MLIP: variants seen among roughly 807,000 people sequenced by gnomAD.
The protein encoded by MLIP is muscular LMNA-interacting protein.
Under a neutral mutation model 84.8 loss-of-function variants are expected in MLIP, and 79 were observed. The ratio of observed to expected loss-of-function variants is 0.93; its 90% CI spans 0.78 to 1.12. The LOEUF is 1.12. MLIP is among the 50% of genes most tolerant of loss of function. The pLI, the probability that MLIP is intolerant of heterozygous loss-of-function variation, is 0.00. For missense variants in MLIP, 1,257 were observed against 1,160.6 expected (o/e 1.08, Z -1.21); for synonymous variants, 504 against 463.0 (o/e 1.09, Z -1.14).
chr6:54,143,117 G>A (rs953053656), intron 4 of MLIP, among the ~76,000 whole-genome samples: 1 of 151,794 alleles, frequency 6.6e-6, no homozygotes, highest in Non-Finnish European at 1.5e-5. Context: ...TCTCCAGCTA[G>A]CCTCTCTGAA....
Position 54,122,131 on chromosome 6 carries a change from T to C in MLIP, c.252+529T>C, listed in dbSNP as rs1378917588. On this transcript the variant is annotated intron_variant, in intron 2 of 13. Transcript: ENST00000502396. ...ATAACCTTTCAATAATCTAACTCTT[T>C]GAAAAGTATCCCAAGGAAATATTAC... 3.9e-5 allele frequency among the ~76,000 whole-genome samples: 6 copies of C among 152,196 alleles called. No individual in the cohort carries two copies. The East Asian group carries it at 7.7e-4, about 20-fold the overall frequency.
intron 4 of MLIP, among the ~76,000 whole-genome samples, chr6:54,139,288 A>G (rs997697395): frequency 2.0e-5 from 3 of 152,226 alleles, no homozygotes; most frequent in Non-Finnish European, 4.4e-5. Context: ...GGCAAAATTA[A>G]TTGTGTAAGT....
chr6:54,148,999 AT>A, intron 4 of MLIP, 56 bp from the exon 5 acceptor site: 1 of 1,401,554 alleles, frequency 7.1e-7, no homozygotes. Context: ...TCTGAAAATT[AT>A]GTCATATTCT....
At chr6:54,195,424 G>T (rs1027393432) in intron 10 of MLIP, among the ~76,000 whole-genome samples, 1 of 151,956 alleles carries the variant, frequency 6.6e-6, no homozygotes, top group African/African-American at 2.4e-5. Flanking sequence ...ATTAGTGTTA[G>T]TTGAAGTTAC....
intron 10 of MLIP, among the ~76,000 whole-genome samples, chr6:54,198,900 G>A (rs1042403626): frequency 7.2e-6 from 1 of 138,998 alleles, no homozygotes; most frequent in Non-Finnish European, 1.6e-5. Flanking sequence ...GTGTGTATAT[G>A]TGTGTGTGTG....
At chr6:54,188,307 G>A (rs1255470397) in intron 9 of MLIP, among the ~76,000 whole-genome samples, 2 of 151,858 alleles carry the variant, frequency 1.3e-5, no homozygotes, top group East Asian at 1.9e-4. Context: ...GCTTACTGTA[G>A]GTTTTTTATT....
chr6:54,144,644 C>A (rs1486933480), intron 4 of MLIP, among the ~76,000 whole-genome samples: 1 of 152,188 alleles, frequency 6.6e-6, no homozygotes, highest in African/African-American at 2.4e-5. Flanking sequence ...CAGTCATACA[C>A]GCTCACCTGC....
At chr6:54,063,732 G>GTGTGTC (rs1766109427) in intron 1 of MLIP, among the ~76,000 whole-genome samples, 1 of 151,300 alleles carries the variant, frequency 6.6e-6, no homozygotes, top group Non-Finnish European at 1.5e-5. Context: ...GTGTGTGTGT[G>GTGTGTC]TGTGTGTGTG....
At chr6:54,058,361 A>G (rs1301103210) in intron 1 of MLIP, among the ~76,000 whole-genome samples, 2 of 152,208 alleles carry the variant, frequency 1.3e-5, no homozygotes, top group Non-Finnish European at 2.9e-5. Context: ...GTGGTTGTGC[A>G]TGTTTACTGC....
At chr6:54,245,669 T>A (rs182464942) in intron 12 of MLIP, among the ~76,000 whole-genome samples, 9 of 152,124 alleles carry the variant, frequency 5.9e-5, no homozygotes, top group Non-Finnish European at 1.0e-4. Flanking sequence ...AAAGCTATTG[T>A]TTTTTTAAAA....
At chr6:54,231,723 C>T (rs1185575844) in intron 12 of MLIP, among the ~76,000 whole-genome samples, 2 of 152,054 alleles carry the variant, frequency 1.3e-5, no homozygotes, top group African/African-American at 4.8e-5. Context: ...ATTCAAAATC[C>T]TGTTTAAAAG....
At chr6:54,142,138 T>C (rs1048700671) in intron 4 of MLIP, among the ~76,000 whole-genome samples, 2 of 152,222 alleles carry the variant, frequency 1.3e-5, no homozygotes, top group Non-Finnish European at 2.9e-5. Flanking sequence ...AAATAGTTAA[T>C]CTGGGTTCAA....
At chr6:54,142,591 C>T (rs1416423051) in intron 4 of MLIP, among the ~76,000 whole-genome samples, 6 of 152,038 alleles carry the variant, frequency 3.9e-5, no homozygotes, top group East Asian at 3.9e-4. Context: ...AGCTGGGAGC[C>T]GGATCCTGTA....
chr6:54,035,277 A>G (rs1211402106), intron 1 of MLIP, among the ~76,000 whole-genome samples: 1 of 152,156 alleles, frequency 6.6e-6, no homozygotes, highest in Non-Finnish European at 1.5e-5. Flanking sequence ...AAGTTAGTCC[A>G]AGTTGTGAGG....
chr6:54,176,781 A>G (rs1402147683), intron 9 of MLIP, among the ~76,000 whole-genome samples: 1 of 152,160 alleles, frequency 6.6e-6, no homozygotes, highest in Admixed American at 6.6e-5. Flanking sequence ...TGAAGGCATC[A>G]TGCTACCCTA....
In MLIP at chr6:54,027,536, C is replaced by A. The variant is rs1466753899; in HGVS notation, c.63+8445C>A. Reference sequence around the variant, plus strand: ...CGTACCTGACACAGATATCTTAGTTCCTTTGCAACCTTAATTTTAGCCCCT... The same window carrying A: ...CGTACCTGACACAGATATCTTAGTTACTTTGCAACCTTAATTTTAGCCCCT... On this transcript the variant is annotated intron_variant, in intron 1 of 12. Transcript: ENST00000274897. 3.9e-5 allele frequency among the ~76,000 whole-genome samples: 6 copies of A among 152,084 alleles called. No homozygotes were observed. In the East Asian group the frequency reaches 1.2e-3, roughly 29 times the overall value.
chr6:54,032,056 A>G (rs987096782), intron 1 of MLIP, among the ~76,000 whole-genome samples: 1 of 152,102 alleles, frequency 6.6e-6, no homozygotes, highest in East Asian at 1.9e-4. Flanking sequence ...AATTATGGAG[A>G]CTATGGAACT....
intron 11 of MLIP, among the ~76,000 whole-genome samples, chr6:54,213,801 TA>T: frequency 6.9e-6 from 1 of 145,816 alleles, no homozygotes; most frequent in African/African-American, 2.5e-5. Flanking sequence ...AGTTTTTTTT[TA>T]ATTCAAAGAT....
intron 3 of MLIP, among the ~76,000 whole-genome samples, chr6:54,131,163 A>G (rs533601523): frequency 2.0e-5 from 3 of 152,258 alleles, no homozygotes; most frequent in East Asian, 1.9e-4. Context: ...AAATTTACCT[A>G]TTTCTCCTGG....
Sources: gnomAD v4.1 joint callset for allele counts (sites outside exome capture counted in the v4.1 genomes callset) on GRCh38, gnomAD v4.1.1 for gene constraint, MANE v1.5 for transcripts, NCBI Gene and HGNC (gene_info 2026-07-23, HGNC 2026-07-21) for gene names.